The following NDUFAF1 variants were observed in gnomAD, a reference collection of about 807,000 sequenced individuals.
NDUFAF1 encodes the protein NADH:ubiquinone oxidoreductase complex assembly factor 1.
In NDUFAF1, 18 loss-of-function variants were observed where a neutral mutation model predicts 28.7. The observed-to-expected ratio is 0.63, with a 90% CI of 0.43 to 0.93. NDUFAF1 has a LOEUF of 0.93. Ranked by LOEUF, NDUFAF1 falls within the 40% of genes least tolerant of loss-of-function variation. NDUFAF1 has a pLI of 0.00. For synonymous variants in NDUFAF1, 113 were observed against 139.7 expected, an observed-to-expected ratio of 0.81 and a Z score of 1.35; for missense variants, 404 against 398.3, an observed-to-expected ratio of 1.01 and a Z score of -0.12.
intron 1 of NDUFAF1, among the ~76,000 whole-genome samples, chr15:41,399,865 A>G (rs2050439015): frequency 6.8e-6 from 1 of 147,362 alleles, no homozygotes; most frequent in Non-Finnish European, 1.5e-5. Flanking sequence ...CAAAAAAAAA[A>G]AAAAAAAAAA....
At chr15:41,396,417 T>C in intron 2 of NDUFAF1, 70 bp downstream of exon 2, 1 of 1,463,624 alleles carries the variant, frequency 6.8e-7, no homozygotes, top group Non-Finnish European at 9.5e-7. Flanking sequence ...AAAGCTATCT[T>C]CTATAGTTTA....
chr15:41,395,134 G>A, intron 2 of NDUFAF1, 90 bp from the exon 3 acceptor site: 1 of 1,216,300 alleles, frequency 8.2e-7, no homozygotes. Flanking sequence ...TCAACAGGAT[G>A]CACTAACCAT....
At chr15:41,401,042 G>A (rs918022380) in intron 1 of NDUFAF1, among the ~76,000 whole-genome samples, 3 of 149,182 alleles carry the variant, frequency 2.0e-5, no homozygotes, top group Non-Finnish European at 3.0e-5. Flanking sequence ...TGCAATCTCC[G>A]CCTCCTGGGT....
intron 3 of NDUFAF1, among the ~76,000 whole-genome samples, chr15:41,391,313 C>T (rs2050312927): frequency 6.6e-6 from 1 of 151,912 alleles, no homozygotes; most frequent in African/African-American, 2.4e-5. Flanking sequence ...AAGATCTCTG[C>T]TCTCACAGAA....
chr15:41,392,012 CAG>C (rs1387752432), intron 3 of NDUFAF1, among the ~76,000 whole-genome samples: 2 of 150,428 alleles, frequency 1.3e-5, no homozygotes, highest in Non-Finnish European at 2.9e-5. Flanking sequence ...AAGATGAAGA[CAG>C]GGGTCCGATA....
chr15:41,394,723 G>T, intron 3 of NDUFAF1, 136 bp downstream of exon 3: 1 of 694,504 alleles, frequency 1.4e-6, no homozygotes, highest in Non-Finnish European at 2.3e-6. Context: ...TCACCATGTT[G>T]GCCAACCTGG....
At chr15:41,397,571 G>T (rs563792995) in intron 1 of NDUFAF1, among the ~76,000 whole-genome samples, 3 of 152,064 alleles carry the variant, frequency 2.0e-5, no homozygotes, top group East Asian at 3.9e-4. Context: ...AGGCCGAGGC[G>T]GGTGGATCAC....
chr15:41,397,671 C>T (rs993542253), intron 1 of NDUFAF1, among the ~76,000 whole-genome samples: 26 of 151,210 alleles, frequency 1.7e-4, no homozygotes, highest in African/African-American at 4.2e-4. Flanking sequence ...TGGTGGCGGG[C>T]GCCTGTAGTC....
At chr15:41,399,449 C>T (rs1419472704) in intron 1 of NDUFAF1, among the ~76,000 whole-genome samples, 2 of 150,120 alleles carry the variant, frequency 1.3e-5, no homozygotes, top group African/African-American at 4.9e-5. Flanking sequence ...CCCAGCTACT[C>T]GGGAGGCTGA....
In NDUFAF1 at chr15:41,397,152, G is replaced by A. The variant is rs2140924212; in HGVS notation, c.-81-12C>T. The A allele has an allele frequency of 2.0e-6, 2 of 997,916 alleles. No individual in the cohort carries two copies. The highest frequency in any genetic ancestry group is 3.1e-6 in the Non-Finnish European group (2 of 655,094). 61.8% of individuals were successfully genotyped at this position (997,916 alleles called of 1,614,324 possible). ...TAGCCCAATTCTACCTATAACAGAA[G>A]AGACATTGAAGAATTATCAGCATAG... On this transcript the variant is annotated splice_polypyrimidine_tract_variant and intron_variant, in intron 1 of 4. Coordinates refer to ENST00000260361, the MANE Select transcript of NDUFAF1 (RefSeq NM_016013.4).
chr15:41,395,034 T>A lies in NDUFAF1; in HGVS notation c.584A>T (p.Glu195Val). The A allele has an allele frequency of 6.2e-7, 1 of 1,614,008 alleles. No homozygotes were observed. The highest frequency in any genetic ancestry group is 8.5e-7 in the Non-Finnish European group (1 of 1,179,946). ...MISRIPRGAF[E>V]RKMSYDWSQF... Reference sequence around the variant, plus strand: ...GGACCAATCGTAAGACATCTTCCTCTCAAAAGCACCCTAAGATATTGAAAG... The same window carrying A: ...GGACCAATCGTAAGACATCTTCCTCACAAAAGCACCCTAAGATATTGAAAG... The change falls in exon 3 of 5, where the codon GAG (glutamate) becomes GTG (valine). Residue 195 changes from glutamate (E) to valine (V), a missense_variant. Glu to Val is a moderately radical substitution (Grantham distance 121). Transcript: ENST00000260361.
At chr15:41,402,728 CTTTTTTTTTTT>C (rs557825524), upstream of NDUFAF1, among the ~76,000 whole-genome samples, 2 of 120,892 alleles carry the variant, frequency 1.7e-5, no homozygotes, top group African/African-American at 6.5e-5. Flanking sequence ...ATCCCTGCGT[CTTTTTTTTTTT>C]TTTTTTTTTT....
Position 41,395,039 on chromosome 15 carries a change from A to C in NDUFAF1, c.579T>G (p.Ala193=). Residue 193 remains alanine, a synonymous_variant, in exon 3 of 5, where the codon GCT becomes GCG. Coordinates refer to ENST00000260361, the MANE Select transcript of NDUFAF1 (RefSeq NM_016013.4). ...CAMISRIPRG[A]FERKMSYDWS... is the part of the protein sequence containing the mutation. ...AATCGTAAGACATCTTCCTCTCAAA[A>C]GCACCCTAAGATATTGAAAGTAAAG... 6.2e-7 allele frequency: 1 copy of C among 1,613,862 alleles called. No individual in the cohort carries two copies. Among genetic ancestry groups the C allele is most frequent in the Non-Finnish European group, 8.5e-7 (1 of 1,179,916 alleles).
intron 2 of NDUFAF1, 47 bp from the exon 3 acceptor site, chr15:41,395,091 A>C: frequency 6.4e-7 from 1 of 1,569,920 alleles, no homozygotes; most frequent in Non-Finnish European, 8.7e-7. Flanking sequence ...CTCCATTATT[A>C]GCAAAATGTG....
upstream of NDUFAF1, chr15:41,402,603 C>T: frequency 4.8e-6 from 1 of 208,796 alleles, no homozygotes; most frequent in Admixed American, 4.8e-5. Flanking sequence ...GTAGCCCAGC[C>T]AACTGAGGTT....
chr15:41,398,505 G>T (rs1369789747), intron 1 of NDUFAF1, among the ~76,000 whole-genome samples: 1 of 151,228 alleles, frequency 6.6e-6, no homozygotes, highest in African/African-American at 2.4e-5. Context: ...AAGAGACAGG[G>T]TCTCTTGCTC....
chr15:41,394,878 G>A lies in NDUFAF1; in HGVS notation c.740C>T (p.Pro247Leu), dbSNP rs200818305. Reference protein sequence around the residue: ...YSYFMFTRGGPYWQEVKIPFS... With the variant: ...YSYFMFTRGGLYWQEVKIPFS... ...TGTTACCTTGACCTCCTGCCAGTAG[G>A]GTCCCCCGCGGGTGAACATGAAGTA... Residue 247 changes from proline to leucine, a missense_variant, in exon 3 of 5, where the codon CCC (proline) becomes CTC (leucine). Physicochemically the swap from Pro to Leu is moderately conservative, Grantham distance 98. Transcript: ENST00000260361. 3.1e-6 allele frequency: 5 copies of A among 1,613,868 alleles called. No homozygotes were observed. In the African/African-American group the frequency reaches 6.7e-5, roughly 22 times the overall value.
At chr15:41,390,187 T>G (rs1413026094) in intron 3 of NDUFAF1, among the ~76,000 whole-genome samples, 1 of 152,072 alleles carries the variant, frequency 6.6e-6, no homozygotes, top group Non-Finnish European at 1.5e-5. Context: ...TGTCTTAGAC[T>G]CCTAGCTTCA....
intron 3 of NDUFAF1, among the ~76,000 whole-genome samples, chr15:41,394,590 G>C (rs1408739973): frequency 4.4e-5 from 1 of 22,804 alleles, no homozygotes; most frequent in Non-Finnish European, 7.9e-5. Flanking sequence ...TAACAAAAAA[G>C]AAACTACAAT....
Sources: gnomAD v4.1 joint callset for allele counts (sites outside exome capture counted in the v4.1 genomes callset) on GRCh38, gnomAD v4.1.1 for gene constraint, MANE v1.5 for transcripts, NCBI Gene and HGNC (gene_info 2026-07-23, HGNC 2026-07-21) for gene names.